KDM3A: variants seen among roughly 807,000 people sequenced by gnomAD.
KDM3A encodes the protein lysine demethylase 3A.
Under a neutral mutation model 158.0 loss-of-function variants are expected in KDM3A, and 60 were observed. The observed-to-expected ratio is 0.38, with a 90% confidence interval of 0.31 to 0.47. The LOEUF is 0.47. Ranked by LOEUF, KDM3A falls within the 20% of genes least tolerant of loss-of-function variation. The probability of loss-of-function intolerance (pLI) is 0.99; values close to 1 mark genes in which losing one functional copy is unlikely to be tolerated. For missense variants in KDM3A, 1,319 were observed against 1,574.3 expected (o/e 0.84, Z 2.74); for synonymous variants, 608 against 549.3 (o/e 1.11, Z -1.49).
chr2:86,485,965 C>T (rs541223600), intron 21 of KDM3A, 106 bp downstream of exon 21: 71 of 1,100,460 alleles, frequency 6.5e-5, no homozygotes, highest in African/African-American at 3.1e-4. Flanking sequence ...AATCCTAATG[C>T]GTAATACAGC....
intron 11 of KDM3A, among the ~76,000 whole-genome samples, chr2:86,471,275 ATGTGTGTATATATGTATATATGTG>A (rs1673389942): frequency 1.5e-5 from 2 of 133,642 alleles, no homozygotes; most frequent in South Asian, 4.3e-4. Context: ...ATGTGTATAT[ATGTGTGTATATATGTATATATGTG>A]TGTATGTGTA....
intron 8 of KDM3A, among the ~76,000 whole-genome samples, chr2:86,459,000 G>A (rs577645810): frequency 1.3e-5 from 2 of 149,884 alleles, no homozygotes; most frequent in East Asian, 3.9e-4. Context: ...GCAGTAGTTG[G>A]ATTTGGTGGA....
In KDM3A at chr2:86,480,227, T is replaced by C. The variant is rs1434810730; in HGVS notation, c.2377T>C (p.Leu793=). The C allele has an allele frequency of 1.2e-6, 2 of 1,613,582 alleles. No individual in the cohort carries two copies. The highest frequency in any genetic ancestry group is 2.2e-5 in the East Asian group (1 of 44,892). The change falls in exon 16 of 26, where the codon TTG becomes CTG. Residue 793 remains leucine (L), a synonymous_variant. Coordinates refer to ENST00000312912, the MANE Select transcript of KDM3A (RefSeq NM_018433.6). Reference sequence around the variant, plus strand: ...AGTGCTCCAGCAGAATCCCTCAGTGTTGGAGCCAGCAGCTGTGGGTGGGGA... The same window carrying C: ...AGTGCTCCAGCAGAATCCCTCAGTGCTGGAGCCAGCAGCTGTGGGTGGGGA... ...GAVLQQNPSV[L]EPAAVGGEAA...
At chr2:86,443,797 A>G (rs1264297481) in intron 2 of KDM3A, among the ~76,000 whole-genome samples, 1 of 152,118 alleles carries the variant, frequency 6.6e-6, no homozygotes, top group Non-Finnish European at 1.5e-5. Flanking sequence ...TTTGATGTTT[A>G]TAGAGATAAT....
chr2:86,446,210 C>G (rs552438856), intron 2 of KDM3A, among the ~76,000 whole-genome samples: 34 of 152,120 alleles, frequency 2.2e-4, no homozygotes, highest in Non-Finnish European at 1.9e-4. Flanking sequence ...TGCAAAATAC[C>G]CATTAAAAGA....
At chr2:86,471,681 G>A (rs142756129) in intron 11 of KDM3A, among the ~76,000 whole-genome samples, 2 of 152,234 alleles carry the variant, frequency 1.3e-5, no homozygotes, top group East Asian at 3.9e-4. Context: ...TTATATCTGT[G>A]CTCGTAACTT....
chr2:86,441,514 G>T (rs1168896485), intron 1 of KDM3A, 70 bp downstream of exon 1: 1 of 151,464 alleles, frequency 6.6e-6, no homozygotes, highest in Non-Finnish European at 1.5e-5. Context: ...GCGCGGCCCC[G>T]TCGCCCGTTG....
In KDM3A at chr2:86,442,007, TGTTTTTGC is replaced by T. The variant is rs1682742423; in HGVS notation, c.-30-10_-30-3del. 1 of 1,561,646 alleles carries T rather than the reference TGTTTTTGC, an allele frequency of 6.4e-7. No homozygotes were observed. Among genetic ancestry groups the T allele is most frequent in the African/African-American group, 1.4e-5 (1 of 73,010 alleles). On this transcript the variant is annotated splice_polypyrimidine_tract_variant and splice_region_variant and intron_variant, in intron 1 of 25. Coordinates refer to ENST00000312912, the MANE Select transcript of KDM3A (RefSeq NM_018433.6). Reference sequence around the variant, plus strand: ...CCGCCCCCGTCGCATTTTGTTTTTGTGTTTTTGCAGGGAGGAGCTCTTCCTGCAGGCGT... The same window carrying T: ...CCGCCCCCGTCGCATTTTGTTTTTGTAGGGAGGAGCTCTTCCTGCAGGCGT...
At chr2:86,483,926 C>T in intron 18 of KDM3A, 61 bp from the exon 19 acceptor site, 1 of 1,378,746 alleles carries the variant, frequency 7.3e-7, no homozygotes, top group Non-Finnish European at 1.0e-6. Flanking sequence ...GAGGGACTGC[C>T]TTCGGGAGTG....
At chr2:86,465,269 A>C (rs552922539) in intron 9 of KDM3A, among the ~76,000 whole-genome samples, 1 of 152,336 alleles carries the variant, frequency 6.6e-6, no homozygotes, top group Admixed American at 6.5e-5. Context: ...TCAATCAGCT[A>C]TTCTATTTGC....
At chr2:86,451,039 A>C in intron 3 of KDM3A, 64 bp from the exon 4 acceptor site, 3 of 1,097,640 alleles carry the variant, frequency 2.7e-6, no homozygotes, top group Non-Finnish European at 1.3e-6. Context: ...GAAAATTGCC[A>C]GTTCCTATTT....
chr2:86,464,802 G>A (rs952705127), intron 9 of KDM3A, among the ~76,000 whole-genome samples: 1 of 152,220 alleles, frequency 6.6e-6, no homozygotes, highest in African/African-American at 2.4e-5. Context: ...ATCTCTTCTG[G>A]GAAGTGGTGG....
chr2:86,457,051 C>G lies in KDM3A; in HGVS notation c.823C>G (p.Gln275Glu), dbSNP rs1333127495. 6.3e-7 allele frequency: 1 copy of G among 1,590,776 alleles called. No individual in the cohort carries two copies. Among genetic ancestry groups the G allele is most frequent in the Admixed American group, 1.7e-5 (1 of 58,506 alleles). Residue 275 changes from glutamine to glutamate, a missense_variant, in exon 8 of 26, where the codon CAA (glutamine) becomes GAA (glutamate). Gln to Glu is a conservative substitution (Grantham distance 29, BLOSUM62 2). Around this residue, in one of 4 missense-constraint regions of KDM3A, gnomAD observed 652 missense variants for 627.2 expected, o/e 1.04. Coordinates refer to ENST00000312912, the MANE Select transcript of KDM3A (RefSeq NM_018433.6). ...GAATAATGGAACCCTGGTTTCCAAACAAGCAAAATCTTGCTCTGAGGTAAC... is the reference window on the plus strand; with the variant it reads ...GAATAATGGAACCCTGGTTTCCAAAGAAGCAAAATCTTGCTCTGAGGTAAC... Reference protein sequence around the residue: ...SENNGTLVSKQAKSCSEASPS... With the variant: ...SENNGTLVSKEAKSCSEASPS...
chr2:86,448,549 C>G (rs1683043741), intron 2 of KDM3A, among the ~76,000 whole-genome samples: 1 of 152,108 alleles, frequency 6.6e-6, no homozygotes, highest in Non-Finnish European at 1.5e-5. Flanking sequence ...AAGTACAAAA[C>G]TTTGAGTACA....
chr2:86,489,250 T>A, intron 21 of KDM3A, 68 bp from the exon 22 acceptor site: 1 of 1,538,806 alleles, frequency 6.5e-7, no homozygotes, highest in Non-Finnish European at 8.8e-7. Context: ...ATCCCCCAGG[T>A]AGGTAGTGGA....
chr2:86,484,275 A>T, intron 19 of KDM3A, 117 bp downstream of exon 19: 1 of 806,752 alleles, frequency 1.2e-6, no homozygotes, highest in Non-Finnish European at 2.0e-6. Flanking sequence ...TTTGGAGTTT[A>T]AAATTAACGT....
upstream of KDM3A, among the ~76,000 whole-genome samples, chr2:86,439,716 G>T (rs544950528): frequency 6.6e-6 from 1 of 151,900 alleles, no homozygotes; most frequent in African/African-American, 2.4e-5. Context: ...ATTTCTCATC[G>T]TTCATAGCGT....
chr2:86,445,823 T>C (rs1456518301), intron 2 of KDM3A, among the ~76,000 whole-genome samples: 1 of 152,214 alleles, frequency 6.6e-6, no homozygotes, highest in Non-Finnish European at 1.5e-5. Context: ...TCGACAAACA[T>C]TTAGGCATAA....
chr2:86,451,434 G>A (rs945297583), intron 4 of KDM3A, among the ~76,000 whole-genome samples: 6 of 152,006 alleles, frequency 3.9e-5, no homozygotes, highest in Admixed American at 1.3e-4. Context: ...CATATATTTT[G>A]TATATATATT....
Sources: gnomAD v4.1 joint callset for allele counts (sites outside exome capture counted in the v4.1 genomes callset) on GRCh38, gnomAD v4.1.1 for gene constraint, gnomAD v4.1.1 regional missense constraint, MANE v1.5 for transcripts, NCBI Gene and HGNC (gene_info 2026-07-23, HGNC 2026-07-21) for gene names.